MED12: variants seen among roughly 807,000 people sequenced by gnomAD.
The protein encoded by MED12 is mediator of RNA polymerase II transcription subunit 12.
MED12 carries 10 observed loss-of-function variants against 177.7 expected under a neutral mutation model. The ratio of observed to expected loss-of-function variants is 0.06; its 90% CI spans 0.03 to 0.10. The LOEUF (loss-of-function observed/expected upper bound fraction) is 0.10. MED12 is among the 10% of genes least tolerant of loss of function. MED12 has a pLI of 1.00. For synonymous variants in MED12, 641 were observed against 678.4 expected, an observed-to-expected ratio of 0.94 and a Z score of 0.86; for missense variants, 867 against 1,780.8, an observed-to-expected ratio of 0.49 and a Z score of 9.23.
Position 71,134,251 on chromosome X carries a change from A to C in MED12, c.4618-106A>C, listed in dbSNP as rs568215084. On this transcript the variant is annotated intron_variant, in intron 33 of 44. Transcript: ENST00000374080. The stretch of plus-strand genomic sequence containing the variant: ...GTCTCAAAAAAAAAAAAAAAAAAAA[A>C]CTCAAGCATGAACTCAGGCGTCCCA... 5.6e-4 allele frequency: 244 copies of C among 435,612 alleles called. 1 individual carries two copies. The South Asian group carries it at 8.1e-3, about 15-fold the overall frequency. The allele number at this position is 435,612 out of a possible 1,213,427, so 35.9% of individuals were successfully genotyped here. A position where few individuals can be genotyped will look rare whatever the true frequency, so the allele number is the denominator to read the frequency against.
chrX:71,137,251 A>G lies in MED12; in HGVS notation c.5616A>G (p.Pro1872=), dbSNP rs750250372. The G allele has an allele frequency of 2.5e-6, 3 of 1,211,750 alleles. No homozygotes were observed. The East Asian group carries it at 8.9e-5, about 36-fold the overall frequency. ...CAATGCAGAAGCTGCCCACCCGACC[A>G]ACTTACCCTGGAGTGCTGCCCACAA... The part of the protein sequence containing the change: ...RLPMQKLPTR[P]TYPGVLPTTM... Residue 1872 remains proline (P), a synonymous_variant, in exon 39 of 45, where the codon CCA becomes CCG. Transcript: ENST00000374080.
rs1229591757 is a variant in MED12 at position 71,136,442 on chromosome X, C to T, written c.5187C>T (p.His1729=). 2 of 1,208,029 alleles carry T rather than the reference C, an allele frequency of 1.7e-6. No individual in the cohort carries two copies. The highest frequency in any genetic ancestry group is 3.5e-5 in the African/African-American group (2 of 56,833). The change falls in exon 37 of 45, where the codon CAC becomes CAT. Residue 1729 remains histidine (H), a synonymous_variant. Transcript: ENST00000374080. ...AGCGGTTGCTGCTCTACCACACACACCTGAGGCCCCGGCCCCGCGCCTATT... is the reference window on the plus strand; with the variant it reads ...AGCGGTTGCTGCTCTACCACACACATCTGAGGCCCCGGCCCCGCGCCTATT... The part of the protein sequence containing the change: ...EQQRLLLYHT[H]LRPRPRAYYL...
intron 5 of MED12, 34 bp from the exon 6 acceptor site, chrX:71,121,293 A>G: frequency 8.6e-7 from 1 of 1,168,032 alleles, no homozygotes; most frequent in Non-Finnish European, 1.2e-6. Flanking sequence ...CTTCATCTCT[A>G]ATAGTCCCCT....
At chrX:71,130,273 A>G in intron 28 of MED12, 59 bp downstream of exon 28, 9 of 1,093,870 alleles carry the variant, frequency 8.2e-6, no homozygotes, top group Non-Finnish European at 9.9e-6. Flanking sequence ...GGGAGAAACA[A>G]TAGGAACCTT....
At chrX:71,119,249 C>G in intron 1 of MED12, 124 bp from the exon 2 acceptor site, 1 of 533,138 alleles carries the variant, frequency 1.9e-6, no homozygotes, top group African/African-American at 2.3e-5. Context: ...AAGTAACGAT[C>G]TGTTCTACAC....
At chrX:71,136,120 ACT>A (rs1436173657) in intron 36 of MED12, among the ~76,000 whole-genome samples, 159 bp from the exon 37 acceptor site, 1 of 106,721 alleles carries the variant, frequency 9.4e-6, no homozygotes, top group African/African-American at 3.4e-5. Context: ...TCCCCGCATA[ACT>A]CTCTTCCGCA....
At position 71,122,295 on chromosome X, in the gene MED12, T is replaced by A. The variant is rs754944788; in HGVS notation, c.1197T>A (p.Ile399=). 5.8e-6 allele frequency: 7 copies of A among 1,211,926 alleles called. No individual in the cohort carries two copies. Among genetic ancestry groups the A allele is most frequent in the Non-Finnish European group, 7.8e-6 (7 of 895,429 alleles). Residue 399 remains isoleucine (I), a synonymous_variant, in exon 8 of 45, where the codon ATT becomes ATA. Transcript: ENST00000374080. The part of the protein sequence containing the change: ...KTGSPLDHLP[I]APSNLPMPEG... The stretch of plus-strand genomic sequence containing the variant: ...GCTCACCACTTGACCACTTGCCTAT[T>A]GCCCCGTCCAACCTGCCCATGCCAG...
At chrX:71,132,749 T>C in intron 31 of MED12, 96 bp from the exon 32 acceptor site, 1 of 853,864 alleles carries the variant, frequency 1.2e-6, no homozygotes, top group Non-Finnish European at 1.7e-6. Context: ...GTCTCCCTTT[T>C]CTCCTCTCCT....
At chrX:71,141,803 A>G (rs2147844282) in intron 43 of MED12, 80 bp from the exon 44 acceptor site, 1 of 981,160 alleles carries the variant, frequency 1.0e-6, no homozygotes. Context: ...CTCCATCTCA[A>G]AAAAAAAAAC....
Position 71,127,062 on chromosome X carries a change from G to A in MED12, c.2779G>A (p.Val927Met), listed in dbSNP as rs760933452. 1.7e-6 allele frequency: 2 copies of A among 1,211,819 alleles called. No individual in the cohort carries two copies. The highest frequency in any genetic ancestry group is 2.2e-5 in the Admixed American group (1 of 46,122). The change falls in exon 20 of 45, where the codon GTG (valine) becomes ATG (methionine). Residue 927 changes from valine (V) to methionine (M), a missense_variant. Physicochemically the swap from Val to Met is conservative, Grantham distance 21. Transcript: ENST00000374080. Reference sequence around the variant, plus strand: ...CACTACTAGCCTGTGCCTGTGCATCGTGGCTGTCCTGCGGCACTATCATGC... The same window carrying A: ...CACTACTAGCCTGTGCCTGTGCATCATGGCTGTCCTGCGGCACTATCATGC... ...SYTTSLCLCI[V>M]AVLRHYHACL...
intron 24 of MED12, 118 bp from the exon 25 acceptor site, chrX:71,128,996 A>T (rs1341290279): frequency 5.0e-6 from 3 of 604,249 alleles, no homozygotes; most frequent in Non-Finnish European, 8.3e-6. Context: ...CTTTCACTTT[A>T]CCTCATCTTC....
At chrX:71,119,235 C>T in intron 1 of MED12, 138 bp from the exon 2 acceptor site, 1 of 518,863 alleles carries the variant, frequency 1.9e-6, no homozygotes, top group East Asian at 3.7e-5. Context: ...AAGGGCCCAG[C>T]TTTAAGTAAC....
chrX:71,122,999 G>C, intron 10 of MED12, 96 bp from the exon 11 acceptor site: 1 of 1,159,206 alleles, frequency 8.6e-7, no homozygotes, highest in Middle Eastern at 2.4e-4. Context: ...CTGGGCCCAG[G>C]ATGTTTTATG....
At position 71,135,205 on chromosome X, in the gene MED12, T is replaced by C. The variant is rs1348968028; in HGVS notation, c.4977T>C (p.Asp1659=). Reference sequence around the variant, plus strand: ...GTGAGCCACAGGGCTCCCTTATCGATACCAAGGGCAACAAGATTGCTGGCT... The same window carrying C: ...GTGAGCCACAGGGCTCCCTTATCGACACCAAGGGCAACAAGATTGCTGGCT... ...ITCEPQGSLI[D]TKGNKIAGFD... Residue 1659 remains aspartate (D), a synonymous_variant, in exon 36 of 45, where the codon GAT becomes GAC. Transcript: ENST00000374080. 3 of 1,211,686 alleles carry C rather than the reference T, an allele frequency of 2.5e-6. No homozygotes were observed. The highest frequency in any genetic ancestry group is 1.8e-5 in the South Asian group (1 of 56,992).
At chrX:71,121,195 G>C in intron 5 of MED12, 43 bp downstream of exon 5, 1 of 1,204,872 alleles carries the variant, frequency 8.3e-7, no homozygotes, top group Non-Finnish European at 1.1e-6. Context: ...GGTTGAGCTT[G>C]AACTTGTACT....
intron 19 of MED12, 66 bp from the exon 20 acceptor site, chrX:71,126,903 A>G: frequency 8.9e-7 from 1 of 1,119,641 alleles, no homozygotes; most frequent in Non-Finnish European, 1.2e-6. Flanking sequence ...GCGTCCCCAC[A>G]GGAAGGTGGT....
chrX:71,138,061 T>A, intron 41 of MED12, 118 bp downstream of exon 41: 1 of 709,368 alleles, frequency 1.4e-6, no homozygotes, highest in East Asian at 3.4e-5. Context: ...ACATCAAGAA[T>A]ACTTATCTGG....
At chrX:71,118,923 C>A in intron 1 of MED12, 70 bp downstream of exon 1, 1 of 902,571 alleles carries the variant, frequency 1.1e-6, no homozygotes. Flanking sequence ...GCACTGACGG[C>A]TGGGAATGGG....
Position 71,123,644 on chromosome X carries a change from C to G in MED12, c.1668C>G (p.Gly556=), listed in dbSNP as rs1279064664. ...AADEKGSIAS[G]SLSAPSAPIF... ...ATGAGAAGGGTTCCATCGCCTCTGG[C>G]TCCCTTTCTGCTCCCAGTGCTCCCA... is the stretch of plus-strand genomic sequence containing the variant. Residue 556 remains glycine (G), a synonymous_variant, in exon 12 of 45, where the codon GGC becomes GGG. Coordinates refer to ENST00000374080, the MANE Select transcript of MED12 (RefSeq NM_005120.3). 8.3e-7 allele frequency: 1 copy of G among 1,207,291 alleles called. No homozygotes were observed. The highest frequency in any genetic ancestry group is 1.1e-6 in the Non-Finnish European group (1 of 893,304).
Sources: gnomAD v4.1 joint callset for allele counts (sites outside exome capture counted in the v4.1 genomes callset) on GRCh38, gnomAD v4.1.1 for gene constraint, MANE v1.5 for transcripts, NCBI Gene and HGNC (gene_info 2026-07-23, HGNC 2026-07-21) for gene names.